The following TRHDE variants were observed in gnomAD, a reference collection of about 807,000 sequenced individuals.
The protein encoded by TRHDE is thyrotropin-releasing hormone-degrading ectoenzyme.
TRHDE carries 72 observed loss-of-function variants against 125.7 expected under a neutral mutation model. That is an observed-to-expected ratio of 0.57 (90% CI 0.47 to 0.70). The LOEUF is 0.70. Among genes scored for constraint, TRHDE ranks in the 30% least tolerant of loss-of-function variants. TRHDE has a pLI of 0.00. For missense variants in TRHDE, 1,110 were observed against 1,327.1 expected, an observed-to-expected ratio of 0.84 and a Z score of 2.54; for synonymous variants, 509 against 509.1, an observed-to-expected ratio of 1.00 and a Z score of 0.00.
At chr12:72,373,509 T>G (rs1871717881) in intron 2 of TRHDE, among the ~76,000 whole-genome samples, 1 of 152,126 alleles carries the variant, frequency 6.6e-6, no homozygotes, top group South Asian at 2.1e-4. Flanking sequence ...GATAAAAATC[T>G]TTGCCCTCAT....
chr12:72,382,675 T>C (rs902719934), intron 3 of TRHDE, among the ~76,000 whole-genome samples: 5 of 152,172 alleles, frequency 3.3e-5, no homozygotes, highest in Admixed American at 2.6e-4. Flanking sequence ...GGAAGGAATG[T>C]TTGTATGTGT....
chr12:72,332,476 C>T (rs1869649613), intron 2 of TRHDE, among the ~76,000 whole-genome samples: 1 of 152,052 alleles, frequency 6.6e-6, no homozygotes, highest in South Asian at 2.1e-4. Context: ...GAGTGAGAAC[C>T]CACTTATCAC....
In TRHDE at chr12:72,094,583, C is replaced by T. The variant is rs542798370; in HGVS notation, n.174+7144C>T. ...CTGTATAGGCAGGATTGGTCTCAGA[C>T]TGTAGCTGAGAGGGGCTGGAGCTTA... On this transcript the variant is annotated intron_variant and non_coding_transcript_variant, in intron 1 of 4. Transcript: ENST00000548156. 5.3e-5 allele frequency among the ~76,000 whole-genome samples: 8 copies of T among 152,352 alleles called. No homozygotes were observed. In the South Asian group the frequency reaches 1.5e-3, roughly 28 times the overall value.
chr12:72,208,234 C>T (rs1172154175), intron 2 of TRHDE, among the ~76,000 whole-genome samples: 1 of 151,998 alleles, frequency 6.6e-6, no homozygotes. Flanking sequence ...CCCTCATACC[C>T]TTTACACAGT....
At chr12:72,094,561 T>C (rs1874867572) in intron 1 of TRHDE, among the ~76,000 whole-genome samples, 1 of 151,776 alleles carries the variant, frequency 6.6e-6, no homozygotes, top group South Asian at 2.1e-4. Flanking sequence ...CCAGTCCCTG[T>C]ATAGGCAGGA....
intron 2 of TRHDE, among the ~76,000 whole-genome samples, chr12:72,346,875 G>A (rs927971583): frequency 2.0e-5 from 3 of 152,066 alleles, no homozygotes; most frequent in Non-Finnish European, 2.9e-5. Flanking sequence ...AGGTTAAGGT[G>A]TCAGCAAGGT....
At chr12:72,580,478 G>A (rs1279040138) in intron 12 of TRHDE, among the ~76,000 whole-genome samples, 1 of 152,158 alleles carries the variant, frequency 6.6e-6, no homozygotes, top group Non-Finnish European at 1.5e-5. Context: ...TTTCACTCTT[G>A]TTACCCAGGC....
chr12:72,271,830 G>T (rs1458953498), upstream of TRHDE: 1 of 440,406 alleles, frequency 2.3e-6, no homozygotes, highest in Non-Finnish European at 4.6e-6. Flanking sequence ...TACCTGAAGG[G>T]GATGGCCCGG....
chr12:72,324,179 G>A (rs1869233390), intron 2 of TRHDE, among the ~76,000 whole-genome samples: 2 of 152,084 alleles, frequency 1.3e-5, no homozygotes, highest in African/African-American at 4.8e-5. Flanking sequence ...CATGTTTAAT[G>A]AGTACCTACT....
chr12:72,320,012 A>C (rs1227066780), intron 2 of TRHDE, among the ~76,000 whole-genome samples: 1 of 152,172 alleles, frequency 6.6e-6, no homozygotes, highest in Non-Finnish European at 1.5e-5. Context: ...CTGGCTTAAA[A>C]AATTATTTAT....
At chr12:72,324,858 A>G (rs189402319) in intron 2 of TRHDE, among the ~76,000 whole-genome samples, 1 of 152,104 alleles carries the variant, frequency 6.6e-6, no homozygotes, top group Non-Finnish European at 1.5e-5. Flanking sequence ...TCCTTAATGG[A>G]TAACTATACT....
At chr12:72,659,499 G>A (rs1874832172) in intron 18 of TRHDE, among the ~76,000 whole-genome samples, 1 of 152,008 alleles carries the variant, frequency 6.6e-6, no homozygotes, top group Admixed American at 6.6e-5. Context: ...TAATATTGAA[G>A]ATATAAACTT....
Position 72,657,026 on chromosome 12 carries a change from A to T in TRHDE, c.3066+18A>T. On this transcript the variant is annotated intron_variant, in intron 18 of 18. Transcript: ENST00000261180. ...TCAAAGAGGTAAATATTTTAAGATG[A>T]AGTCTAATTATTTTCTTTTATAAAC... is the stretch of plus-strand genomic sequence containing the variant. The T allele has an allele frequency of 7.0e-7, 1 of 1,431,906 alleles. No individual in the cohort carries two copies. The highest frequency in any genetic ancestry group is 9.7e-7 in the Non-Finnish European group (1 of 1,029,752). 88.7% of individuals were successfully genotyped at this position (1,431,906 alleles called of 1,614,324 possible).
intron 3 of TRHDE, among the ~76,000 whole-genome samples, chr12:72,440,084 C>T (rs940191739): frequency 1.8e-4 from 27 of 152,046 alleles, no homozygotes; most frequent in African/African-American, 5.8e-4. Flanking sequence ...TATGTTGAAT[C>T]ATACTTGCAT....
At chr12:72,521,721 G>C (rs1035036492) in intron 6 of TRHDE, among the ~76,000 whole-genome samples, 3 of 152,168 alleles carry the variant, frequency 2.0e-5, no homozygotes, top group African/African-American at 7.2e-5. Flanking sequence ...CTGTTTTCCA[G>C]CTCCACGATT....
At chr12:72,623,265 TTTTG>T (rs1395324060) in intron 15 of TRHDE, among the ~76,000 whole-genome samples, 6 of 152,068 alleles carry the variant, frequency 3.9e-5, no homozygotes, top group South Asian at 4.1e-4. Flanking sequence ...TTTTTGTGTG[TTTTG>T]TTTGTTTTTG....
Position 72,665,449 on chromosome 12 carries a change from C to T in TRHDE, c.*2254C>T, listed in dbSNP as rs1387720537. On this transcript the variant is annotated 3_prime_UTR_variant, in exon 19 of 19. Coordinates refer to ENST00000261180, the MANE Select transcript of TRHDE (RefSeq NM_013381.3). ...ATACTTGCTCAACAGTATAGTGGTA[C>T]CAATGGCATTAAGATGGTGTTTTTG... 6.6e-6 allele frequency: 1 copy of T among 152,324 alleles called. No individual in the cohort carries two copies. Among genetic ancestry groups the T allele is most frequent in the African/African-American group, 2.4e-5 (1 of 41,358 alleles). 9.4% of individuals were successfully genotyped at this position (152,324 alleles called of 1,614,324 possible). A position where few individuals can be genotyped will look rare whatever the true frequency, so the allele number is the denominator to read the frequency against.
intron 12 of TRHDE, among the ~76,000 whole-genome samples, chr12:72,601,676 C>G (rs1872213250): frequency 6.6e-6 from 1 of 152,148 alleles, no homozygotes. Context: ...CAGCAAGACA[C>G]TGTACCACAA....
chr12:72,614,079 A>C (rs926475195), intron 12 of TRHDE, among the ~76,000 whole-genome samples: 1 of 151,954 alleles, frequency 6.6e-6, no homozygotes, highest in Non-Finnish European at 1.5e-5. Flanking sequence ...ACCAGATCTC[A>C]TGAGAACTCA....
Sources: allele counts gnomAD v4.1 joint callset (sites outside exome capture counted in the v4.1 genomes callset), GRCh38; gene constraint gnomAD v4.1.1; transcripts MANE v1.5; gene names NCBI Gene and HGNC (gene_info 2026-07-23, HGNC 2026-07-21).